The following ADNP variants were observed in gnomAD, a reference collection of about 807,000 sequenced individuals.
ADNP encodes activity dependent neuroprotector homeobox, also known as activity-dependent neuroprotector homeobox protein.
Under a neutral mutation model 84.9 loss-of-function variants are expected in ADNP, and 4 were observed. That is an observed-to-expected ratio of 0.05 (90% CI 0.02 to 0.11). The LOEUF (loss-of-function observed/expected upper bound fraction) is 0.11. Among genes scored for constraint, ADNP ranks in the 10% least tolerant of loss-of-function variants. The probability of loss-of-function intolerance (pLI) is 1.00; values close to 1 mark genes in which losing one functional copy is unlikely to be tolerated. For synonymous variants in ADNP, 554 were observed against 468.1 expected (o/e 1.18, Z -2.37); for missense variants, 1,132 against 1,326.0 (o/e 0.85, Z 2.27).
rs1011983849 is a variant in ADNP at position 50,931,369 on chromosome 20, C to G, written c.-808G>C. 30 of 152,764 alleles carry G rather than the reference C, an allele frequency of 2.0e-4. No homozygotes were observed. Among genetic ancestry groups the G allele is most frequent in the African/African-American group, 7.0e-4 (29 of 41,314 alleles). The allele number at this position is 152,764 out of a possible 1,614,324, so 9.5% of individuals were successfully genotyped here. On this transcript the variant is annotated 5_prime_UTR_variant, in exon 1 of 6. Coordinates refer to ENST00000621696, the MANE Select transcript of ADNP (RefSeq NM_001282531.3). ...AGGGGGCTGATCCCGCGTCTCCCCT[C>G]AGCAGACAATACAAGCGCCTCGGAC...
At chr20:50,908,906 C>T (rs1482262518) in intron 2 of ADNP, among the ~76,000 whole-genome samples, 1 of 152,048 alleles carries the variant, frequency 6.6e-6, no homozygotes, top group Non-Finnish European at 1.5e-5. Flanking sequence ...AAGGCCCTTT[C>T]CTCACTTTCG....
intron 2 of ADNP, among the ~76,000 whole-genome samples, chr20:50,907,037 G>C (rs1162444333): frequency 2.2e-5 from 3 of 134,910 alleles, no homozygotes; most frequent in African/African-American, 8.4e-5. Flanking sequence ...TCACGATCTT[G>C]GCTCACTGCA....
At chr20:50,919,791 A>G (rs1184468836) in intron 2 of ADNP, among the ~76,000 whole-genome samples, 1 of 152,162 alleles carries the variant, frequency 6.6e-6, no homozygotes, top group Non-Finnish European at 1.5e-5. Flanking sequence ...CTTCTTGCTC[A>G]ACTCCACTGA....
intron 2 of ADNP, among the ~76,000 whole-genome samples, chr20:50,908,601 C>T (rs953796266): frequency 3.4e-4 from 52 of 151,986 alleles, no homozygotes; most frequent in African/African-American, 1.2e-3. Context: ...GGTGAAACCC[C>T]GTCTCTACTA....
chr20:50,914,329 GAAGAA>G (rs1276255262), intron 2 of ADNP: 26 of 675,788 alleles, frequency 3.8e-5, no homozygotes, highest in Admixed American at 6.5e-5. Flanking sequence ...AGAGAATAAA[GAAGAA>G]AAGAAACCCC....
chr20:50,900,445 C>T (rs112695229), intron 5 of ADNP, among the ~76,000 whole-genome samples: 62 of 152,240 alleles, frequency 4.1e-4, no homozygotes, highest in African/African-American at 1.2e-3. Context: ...AAGCAATGCA[C>T]GACGGTATTA....
chr20:50,928,194 TCAG>T (rs887596777), intron 2 of ADNP, among the ~76,000 whole-genome samples: 3 of 152,210 alleles, frequency 2.0e-5, no homozygotes, highest in Non-Finnish European at 4.4e-5. Context: ...ATACACCCAT[TCAG>T]TTCTCCATAA....
chr20:50,909,306 T>C (rs1270037186), intron 2 of ADNP, among the ~76,000 whole-genome samples: 1 of 126,634 alleles, frequency 7.9e-6, no homozygotes, highest in African/African-American at 3.0e-5. Flanking sequence ...GAGGTTGTGG[T>C]GAGCCGAAAT....
rs1425368171 is a variant in ADNP at position 50,903,759 on chromosome 20, GT to G, written c.108+129del. On this transcript the variant is annotated intron_variant, in intron 4 of 5. Transcript: ENST00000621696. ...GGCACAAGTTAATGCTATTGAGAATGTTTTCGTGAAGCTACTGCTGTGGCTG... is the reference window on the plus strand; with the variant it reads ...GGCACAAGTTAATGCTATTGAGAATGTTTCGTGAAGCTACTGCTGTGGCTG... 21 of 680,762 alleles carry G rather than the reference GT, an allele frequency of 3.1e-5. No homozygotes were observed. In the African/African-American group the frequency reaches 3.3e-4, roughly 11 times the overall value. 42.2% of individuals were successfully genotyped at this position (680,762 alleles called of 1,614,324 possible).
chr20:50,909,115 A>C (rs1377748779), intron 2 of ADNP, among the ~76,000 whole-genome samples: 1 of 151,850 alleles, frequency 6.6e-6, no homozygotes, highest in Non-Finnish European at 1.5e-5. Flanking sequence ...TCACGCCTAT[A>C]ATCCCAGCAC....
chr20:50,891,168 GTC>G lies in ADNP; in HGVS notation c.*235_*236del. ...TGCTTTTCCTCGTGTGTATTCATGA[GTC>G]ACCAGCTTATTGGTTTTTCACATTT... is the stretch of plus-strand genomic sequence containing the variant. On this transcript the variant is annotated 3_prime_UTR_variant, in exon 6 of 6. Coordinates refer to ENST00000621696, the MANE Select transcript of ADNP (RefSeq NM_001282531.3). 4 of 1,298,640 alleles carry G rather than the reference GTC, an allele frequency of 3.1e-6. No individual in the cohort carries two copies. The highest frequency in any genetic ancestry group is 3.9e-6 in the Non-Finnish European group (4 of 1,027,182). 80.4% of individuals were successfully genotyped at this position (1,298,640 alleles called of 1,614,324 possible). A position where few individuals can be genotyped will look rare whatever the true frequency, so the allele number is the denominator to read the frequency against.
At chr20:50,917,542 C>A (rs1490141233) in intron 2 of ADNP, among the ~76,000 whole-genome samples, 3 of 152,214 alleles carry the variant, frequency 2.0e-5, no homozygotes, top group Non-Finnish European at 1.5e-5. Flanking sequence ...TCCTATGTCT[C>A]CCCTTTATTA....
At chr20:50,898,791 T>C (rs1207427838) in intron 5 of ADNP, among the ~76,000 whole-genome samples, 1 of 152,214 alleles carries the variant, frequency 6.6e-6, no homozygotes, top group East Asian at 1.9e-4. Context: ...TGTATGAGGC[T>C]GCTACCAGTT....
In ADNP at chr20:50,923,976, T is replaced by C. The variant is rs547201253; in HGVS notation, c.-90+4675A>G. Among the ~76,000 whole-genome samples the C allele has an allele frequency of 2.0e-5, 3 of 152,266 alleles. No homozygotes were observed. The South Asian group carries it at 6.2e-4, about 32-fold the overall frequency. On this transcript the variant is annotated intron_variant, in intron 2 of 5. Coordinates refer to ENST00000621696, the MANE Select transcript of ADNP (RefSeq NM_001282531.3). ...TTGAAAATTTTAATAAATTCCACCA[T>C]ATTTCCACTAGACAGGAGTTTCTCA...
chr20:50,927,355 G>A (rs1414223279), intron 2 of ADNP, among the ~76,000 whole-genome samples: 2 of 152,060 alleles, frequency 1.3e-5, no homozygotes, highest in Non-Finnish European at 1.5e-5. Flanking sequence ...AAATCAAAGA[G>A]GTTAGTTTCA....
Position 50,891,362 on chromosome 20 carries a change from G to C in ADNP, c.*43C>G, listed in dbSNP as rs763395878. 6.5e-7 allele frequency: 1 copy of C among 1,536,374 alleles called. No homozygotes were observed. The highest frequency in any genetic ancestry group is 1.3e-5 in the South Asian group (1 of 78,526). On this transcript the variant is annotated 3_prime_UTR_variant, in exon 6 of 6. Coordinates refer to ENST00000621696, the MANE Select transcript of ADNP (RefSeq NM_001282531.3). ...CTTTGCAGTCACACTGGATATCAGA[G>C]TTCCAGGCTGCAGCATGTCACCAAC...
chr20:50,911,475 G>A (rs980218345), intron 2 of ADNP, among the ~76,000 whole-genome samples: 1 of 151,566 alleles, frequency 6.6e-6, no homozygotes, highest in East Asian at 1.9e-4. Flanking sequence ...TTATTTGGGT[G>A]ATGGATACAC....
At chr20:50,901,064 T>C (rs1015816506) in intron 5 of ADNP, among the ~76,000 whole-genome samples, 1 of 152,206 alleles carries the variant, frequency 6.6e-6, no homozygotes, top group East Asian at 1.9e-4. Context: ...TTAACACCTA[T>C]GCAGTCAGTC....
At chr20:50,902,202 A>C (rs1982054238) in intron 4 of ADNP, 93 bp from the exon 5 acceptor site, 2 of 950,910 alleles carry the variant, frequency 2.1e-6, no homozygotes, top group African/African-American at 3.3e-5. Context: ...TAAGATGGGG[A>C]GAGGCACAGG....
Sources: gnomAD v4.1 joint callset for allele counts (sites outside exome capture counted in the v4.1 genomes callset) on GRCh38, gnomAD v4.1.1 for gene constraint, MANE v1.5 for transcripts, NCBI Gene and HGNC (gene_info 2026-07-23, HGNC 2026-07-21) for gene names.